KLF12: variants seen among roughly 807,000 people sequenced by gnomAD.
KLF12 encodes Krueppel-like factor 12.
Under a neutral mutation model 37.8 loss-of-function variants are expected in KLF12, and 9 were observed. That is an observed-to-expected ratio of 0.24 (90% CI 0.14 to 0.42). The LOEUF (loss-of-function observed/expected upper bound fraction) is 0.42, where lower values mean the gene tolerates loss of function less well. KLF12 is among the 10% of genes least tolerant of loss of function. The pLI, the probability that KLF12 is intolerant of heterozygous loss-of-function variation, is 1.00. For missense variants in KLF12, 411 were observed against 516.0 expected, an observed-to-expected ratio of 0.80 and a Z score of 1.97; for synonymous variants, 208 against 202.1, an observed-to-expected ratio of 1.03 and a Z score of -0.25.
chr13:73,715,469 G>A lies in KLF12; in HGVS notation c.926C>T (p.Pro309Leu), dbSNP rs1417298987. Residue 309 changes from proline to leucine, a missense_variant, in exon 7 of 8, where the codon CCA (proline) becomes CTA (leucine). Physicochemically the swap from Pro to Leu is moderately conservative, Grantham distance 98 (BLOSUM62 -3). Transcript: ENST00000377669. The stretch of plus-strand genomic sequence containing the variant: ...GTGGATACGCCGTTTTCTGGAGTCT[G>A]GGGATTCAGACCGTCTCTGGCGTCT... 6.2e-7 allele frequency: 1 copy of A among 1,613,996 alleles called. No individual in the cohort carries two copies. The highest frequency in any genetic ancestry group is 8.5e-7 in the Non-Finnish European group (1 of 1,179,916).
chr13:73,779,347 C>T (rs574835933), intron 5 of KLF12, among the ~76,000 whole-genome samples: 6 of 152,266 alleles, frequency 3.9e-5, no homozygotes, highest in African/African-American at 1.4e-4. Flanking sequence ...GGAGAGTGAG[C>T]ACAATCACCA....
At chr13:73,900,543 T>C (rs751702599) in intron 3 of KLF12, among the ~76,000 whole-genome samples, 14 of 152,102 alleles carry the variant, frequency 9.2e-5, no homozygotes, top group Non-Finnish European at 1.8e-4. Context: ...AATGATTACA[T>C]GGTTTCCAAA....
chr13:73,699,704 T>A (rs9543431), intron 7 of KLF12, among the ~76,000 whole-genome samples: 95,166 of 152,028 alleles, frequency 0.63, 30,370 homozygotes, highest in East Asian at 0.71. Context: ...GGAAGTGGGG[T>A]TACAACATGA....
intron 5 of KLF12, among the ~76,000 whole-genome samples, chr13:73,774,845 T>C (rs1207573683): frequency 6.6e-6 from 1 of 152,070 alleles, no homozygotes; most frequent in Admixed American, 6.6e-5. Context: ...TAACAATCTA[T>C]ACATGTTTAC....
At chr13:74,104,163 A>C (rs897048411) in intron 1 of KLF12, among the ~76,000 whole-genome samples, 5 of 152,250 alleles carry the variant, frequency 3.3e-5, no homozygotes, top group Admixed American at 2.0e-4. Context: ...GTGAGTCATC[A>C]CATTTGAACA....
At chr13:74,241,934 G>A in the KLF12 span, among the ~76,000 whole-genome samples, 10 of 152,286 alleles carry the variant, frequency 6.6e-5, no homozygotes, top group Admixed American at 2.0e-4. Flanking sequence ...GCTGTAGACC[G>A]GAGCTGTTCC....
At chr13:74,220,441 C>G in the KLF12 span, among the ~76,000 whole-genome samples, 1 of 152,058 alleles carries the variant, frequency 6.6e-6, no homozygotes, top group East Asian at 1.9e-4. Context: ...TATTTATGTA[C>G]ATGATGTTTT....
intron 1 of KLF12, among the ~76,000 whole-genome samples, chr13:74,016,823 C>T (rs1210887787): frequency 6.6e-6 from 1 of 152,168 alleles, no homozygotes; most frequent in Non-Finnish European, 1.5e-5. Context: ...AAAGGCACTT[C>T]TAGAAAATTC....
chr13:73,979,172 A>G (rs940062869), intron 2 of KLF12, among the ~76,000 whole-genome samples: 3 of 152,204 alleles, frequency 2.0e-5, no homozygotes, highest in African/African-American at 7.2e-5. Flanking sequence ...ACTTTGGGTG[A>G]TAATGATACC....
the KLF12 span, among the ~76,000 whole-genome samples, chr13:74,251,626 T>C: frequency 6.6e-6 from 1 of 152,148 alleles, no homozygotes; most frequent in Non-Finnish European, 1.5e-5. Flanking sequence ...CTCCCTCATC[T>C]TCCTACCCTC....
chr13:74,207,610 G>A, the KLF12 span, among the ~76,000 whole-genome samples: 341 of 152,288 alleles, frequency 2.2e-3, 4 homozygotes, highest in African/African-American at 7.3e-3. Flanking sequence ...AGGAGGTGGA[G>A]GTTGCAGTGA....
At chr13:73,716,686 GTTTT>G (rs1027443934) in intron 6 of KLF12, among the ~76,000 whole-genome samples, 1 of 151,582 alleles carries the variant, frequency 6.6e-6, no homozygotes, top group African/African-American at 2.4e-5. Context: ...TTTTTTGTGT[GTTTT>G]TTAAGTCATA....
intron 3 of KLF12, among the ~76,000 whole-genome samples, chr13:73,930,610 GAC>G (rs1374238846): frequency 2.6e-5 from 4 of 152,060 alleles, no homozygotes; most frequent in East Asian, 3.9e-4. Flanking sequence ...TTTAAGGAAA[GAC>G]ACACATGATA....
At chr13:73,937,501 A>C (rs2139326458) in intron 3 of KLF12, among the ~76,000 whole-genome samples, 1 of 152,350 alleles carries the variant, frequency 6.6e-6, no homozygotes, top group South Asian at 2.1e-4. Flanking sequence ...TAACTCTAGG[A>C]AAGGGCACTT....
chr13:74,107,257 G>A (rs1364275112), intron 1 of KLF12, among the ~76,000 whole-genome samples: 2 of 152,186 alleles, frequency 1.3e-5, no homozygotes, highest in African/African-American at 2.4e-5. Flanking sequence ...ATGAATTTTG[G>A]TGGGACATCA....
At chr13:73,762,998 G>A (rs1358481293) in intron 6 of KLF12, among the ~76,000 whole-genome samples, 1 of 152,098 alleles carries the variant, frequency 6.6e-6, no homozygotes, top group Non-Finnish European at 1.5e-5. Flanking sequence ...AGTCAATTTG[G>A]AAATATCTCC....
At chr13:74,292,689 G>A in the KLF12 span, among the ~76,000 whole-genome samples, 1 of 152,158 alleles carries the variant, frequency 6.6e-6, no homozygotes, top group East Asian at 1.9e-4. Context: ...GTGTACCTTC[G>A]TCACTTTCTT....
intron 5 of KLF12, among the ~76,000 whole-genome samples, chr13:73,795,649 T>C (rs1180394253): frequency 1.3e-5 from 2 of 152,206 alleles, no homozygotes; most frequent in South Asian, 2.1e-4. Context: ...CTGGGCACTT[T>C]ACAAGTACAG....
At chr13:74,243,315 T>A in the KLF12 span, among the ~76,000 whole-genome samples, 1 of 152,320 alleles carries the variant, frequency 6.6e-6, no homozygotes, top group African/African-American at 2.4e-5. Context: ...TAGTATTCCA[T>A]GGTGTATATG....
Sources: allele counts gnomAD v4.1 joint callset (sites outside exome capture counted in the v4.1 genomes callset), GRCh38; gene constraint gnomAD v4.1.1; transcripts MANE v1.5; gene names NCBI Gene and HGNC (gene_info 2026-07-23, HGNC 2026-07-21).